The following MUC20 variants were observed in gnomAD, a reference collection of about 807,000 sequenced individuals.
MUC20 encodes mucin 20, cell surface associated.
MUC20 carries 14 observed loss-of-function variants against 23.8 expected under a neutral mutation model. That is an observed-to-expected ratio of 0.59 (90% CI 0.39 to 0.92). MUC20 has a LOEUF of 0.92. Among genes scored for constraint, MUC20 ranks in the 40% least tolerant of loss-of-function variants. The pLI is 0.00. For missense variants in MUC20, 375 were observed against 668.8 expected (o/e 0.56, Z 4.85); for synonymous variants, 166 against 279.3 (o/e 0.59, Z 4.04).
At chr3:195,729,866 G>C (rs934352346) in intron 3 of MUC20, 127 bp downstream of exon 3, 2 of 924,184 alleles carry the variant, frequency 2.2e-6, no homozygotes, top group African/African-American at 3.3e-5. Context: ...TTCTTACGGA[G>C]AATTGGGAGC....
At chr3:195,730,310 A>C (rs1249144850) in intron 3 of MUC20, among the ~76,000 whole-genome samples, 1 of 152,230 alleles carries the variant, frequency 6.6e-6, no homozygotes, top group Non-Finnish European at 1.5e-5. Flanking sequence ...AGGGACTTCC[A>C]TCTCCCCACA....
chr3:195,729,845 G>T lies in MUC20; in HGVS notation c.2061+106G>T. 7 of 1,089,188 alleles carry T rather than the reference G, an allele frequency of 6.4e-6. No homozygotes were observed. The South Asian group carries it at 8.6e-5, about 13-fold the overall frequency. The allele number at this position is 1,089,188 out of a possible 1,614,324, so 67.5% of individuals were successfully genotyped here. On this transcript the variant is annotated intron_variant, in intron 3 of 3. Transcript: ENST00000447234. ...AGAAGAGCAGCTACCGCGCTTGGAA[G>T]GGAGTCTCGTTTCTTACGGAGAATT... is the stretch of plus-strand genomic sequence containing the variant.
intron 3 of MUC20, among the ~76,000 whole-genome samples, chr3:195,730,609 C>CA (rs1254434875): frequency 1.3e-5 from 2 of 152,166 alleles, no homozygotes; most frequent in African/African-American, 2.4e-5. Flanking sequence ...CTTGGCCTCC[C>CA]AAAGTGCTGG....
chr3:195,730,916 G>T (rs57998602), intron 3 of MUC20, among the ~76,000 whole-genome samples: 3 of 152,314 alleles, frequency 2.0e-5, no homozygotes, highest in Non-Finnish European at 4.4e-5. Flanking sequence ...TTTTGAGGAT[G>T]GGGATGGTGT....
intron 3 of MUC20, 154 bp downstream of exon 3, chr3:195,729,893 T>G: frequency 4.0e-6 from 3 of 746,116 alleles, no homozygotes; most frequent in Non-Finnish European, 6.5e-6. Context: ...TGAGGATCTC[T>G]GCCTGGCTTT....
intron 3 of MUC20, among the ~76,000 whole-genome samples, chr3:195,732,281 T>C (rs1178766750): frequency 6.6e-6 from 1 of 152,270 alleles, no homozygotes; most frequent in Non-Finnish European, 1.5e-5. Context: ...AGTGCTGGGA[T>C]TACAGGCGTT....
In MUC20 at chr3:195,733,248, G is replaced by A. The variant is rs148170301; in HGVS notation, c.*30G>A. The A allele has an allele frequency of 9.8e-4, 1,534 of 1,568,806 alleles. 5 individuals carry two copies. In the African/African-American group the frequency reaches 0.018, roughly 18 times the overall value. ...CATCAGCTGCAGCCAGGCATGTCCC[G>A]TATGCCAAAAGAGGGTGCTGCCCCT... On this transcript the variant is annotated 3_prime_UTR_variant, in exon 4 of 4. Transcript: ENST00000447234.
chr3:195,731,466 G>A (rs548990740), intron 3 of MUC20, among the ~76,000 whole-genome samples: 12 of 152,232 alleles, frequency 7.9e-5, no homozygotes, highest in East Asian at 5.8e-4. Context: ...TGTTGGCAGC[G>A]TCCCAGAGTG....
At chr3:195,726,774 G>A (rs1251541889) in intron 2 of MUC20, among the ~76,000 whole-genome samples, 1 of 152,258 alleles carries the variant, frequency 6.6e-6, no homozygotes, top group African/African-American at 2.4e-5. Flanking sequence ...AAGGGGTGGG[G>A]ATGGAAGTCC....
chr3:195,726,787 A>T (rs1354744284), intron 2 of MUC20, among the ~76,000 whole-genome samples: 1 of 152,268 alleles, frequency 6.6e-6, no homozygotes, highest in East Asian at 1.9e-4. Flanking sequence ...GGAAGTCCGG[A>T]GAAATGGTTT....
At chr3:195,729,859 T>G in intron 3 of MUC20, 120 bp downstream of exon 3, 1 of 972,154 alleles carries the variant, frequency 1.0e-6, no homozygotes, top group Non-Finnish European at 1.5e-6. Flanking sequence ...GTCTCGTTTC[T>G]TACGGAGAAT....
At chr3:195,727,361 A>C (rs1487013633) in intron 2 of MUC20, among the ~76,000 whole-genome samples, 35 of 152,196 alleles carry the variant, frequency 2.3e-4, no homozygotes, top group Non-Finnish European at 4.0e-4. Context: ...GACGGAGTGA[A>C]ACTCCGTCTC....
chr3:195,729,671 C>A lies in MUC20; in HGVS notation c.1993C>A (p.Leu665Met). Reference protein sequence around the residue: ...SAGENGGFLLLRLSVASPEDL... With the variant: ...SAGENGGFLLMRLSVASPEDL... ...AGGTGAAAATGGAGGTTTCCTCCTC[C>A]TGCGGCTGAGTGTGGCTTCCCCGGA... Residue 665 changes from leucine (L) to methionine (M), a missense_variant, in exon 3 of 4, where the codon CTG becomes ATG. Transcript: ENST00000447234. The A allele has an allele frequency of 6.3e-7, 1 of 1,591,340 alleles. No individual in the cohort carries two copies. Among genetic ancestry groups the A allele is most frequent in the Non-Finnish European group, 8.6e-7 (1 of 1,167,778 alleles).
At position 195,726,053 on chromosome 3, in the gene MUC20, G is replaced by A. The variant is rs746435828; in HGVS notation, c.1450G>A (p.Ala484Thr). ...AGCCTCTGCCGAGACCCTGTCCACAGCCGGCACCACAGAGTCAGCTGCACC... is the reference window on the plus strand; with the variant it reads ...AGCCTCTGCCGAGACCCTGTCCACAACCGGCACCACAGAGTCAGCTGCACC... ...VTASAETLST[A>T]GTTESAAPDA... Residue 484 changes from alanine (A) to threonine (T), a missense_variant, in exon 2 of 4, where the codon GCC (alanine) becomes ACC (threonine). Coordinates refer to ENST00000447234, the MANE Select transcript of MUC20 (RefSeq NM_001282506.2). 7 of 1,613,896 alleles carry A rather than the reference G, an allele frequency of 4.3e-6. No homozygotes were observed. In the East Asian group the frequency reaches 1.3e-4, roughly 31 times the overall value.
Position 195,733,396 on chromosome 3 carries a change from A to C in MUC20, c.*178A>C. 2.1e-6 allele frequency: 3 copies of C among 1,458,870 alleles called. No homozygotes were observed. The highest frequency in any genetic ancestry group is 1.8e-6 in the Non-Finnish European group (2 of 1,107,076). The allele number at this position is 1,458,870 out of a possible 1,614,324, so 90.4% of individuals were successfully genotyped here. A position where few individuals can be genotyped will look rare whatever the true frequency, so the allele number is the denominator to read the frequency against. On this transcript the variant is annotated 3_prime_UTR_variant, in exon 4 of 4. Transcript: ENST00000447234. ...AGATGTGGCAACAGGACCCTCGCTC[A>C]CATCCACCGGAGTGTATGTGTGGGG...
At chr3:195,728,227 A>G (rs1712920121) in intron 2 of MUC20, among the ~76,000 whole-genome samples, 1 of 152,290 alleles carries the variant, frequency 6.6e-6, no homozygotes, top group African/African-American at 2.4e-5. Flanking sequence ...ACCGTCGCTC[A>G]GCATACCAAG....
intron 3 of MUC20, among the ~76,000 whole-genome samples, chr3:195,730,406 T>C (rs917946300): frequency 2.6e-4 from 39 of 152,240 alleles, no homozygotes; most frequent in African/African-American, 9.4e-4. Context: ...AGTGCAGTGG[T>C]GCGATCTCAG....
At chr3:195,728,565 G>T (rs1348931731) in intron 2 of MUC20, among the ~76,000 whole-genome samples, 1 of 152,226 alleles carries the variant, frequency 6.6e-6, no homozygotes, top group African/African-American at 2.4e-5. Flanking sequence ...TGTACAATCG[G>T]GTTTTATACT....
rs1713154564 is a variant in MUC20 at position 195,729,659 on chromosome 3, G to A, written c.1981G>A (p.Gly661Ser). Residue 661 changes from glycine to serine, a missense_variant, in exon 3 of 4, where the codon GGT becomes AGT. This residue lies in a region of MUC20 where 343 missense variants were observed against 340.2 expected (regional missense o/e 1.01). Coordinates refer to ENST00000447234, the MANE Select transcript of MUC20 (RefSeq NM_001282506.2). ...TTDVSAGENGGFLLLRLSVAS... is the reference protein window; with the variant it reads ...TTDVSAGENGSFLLLRLSVAS... ...TTCTCCATTTGCAGGTGAAAATGGA[G>A]GTTTCCTCCTCCTGCGGCTGAGTGT... is the stretch of plus-strand genomic sequence containing the variant. The A allele has an allele frequency of 5.1e-6, 8 of 1,583,530 alleles. No individual in the cohort carries two copies. Among genetic ancestry groups the A allele is most frequent in the Non-Finnish European group, 6.0e-6 (7 of 1,163,446 alleles).
Sources: allele counts gnomAD v4.1 joint callset (sites outside exome capture counted in the v4.1 genomes callset), GRCh38; gene constraint gnomAD v4.1.1; regional missense constraint gnomAD v4.1.1; transcripts MANE v1.5; gene names NCBI Gene and HGNC (gene_info 2026-07-23, HGNC 2026-07-21).